The following MICAL2 variants were observed in gnomAD, a reference collection of about 807,000 sequenced individuals.
The protein encoded by MICAL2 is microtubule associated monooxygenase, calponin and LIM domain containing 2.
Under a neutral mutation model 127.3 loss-of-function variants are expected in MICAL2, and 77 were observed. That is an observed-to-expected ratio of 0.60 (90% CI 0.50 to 0.73). MICAL2 has a LOEUF of 0.73. Among genes scored for constraint, MICAL2 ranks in the 30% least tolerant of loss-of-function variants. The pLI, the probability that MICAL2 is intolerant of heterozygous loss-of-function variation, is 0.00. For missense variants in MICAL2, 1,351 were observed against 1,434.4 expected, an observed-to-expected ratio of 0.94 and a Z score of 0.94; for synonymous variants, 570 against 551.1, an observed-to-expected ratio of 1.03 and a Z score of -0.48.
At chr11:12,298,241 A>G (rs1292549582) in intron 29 of MICAL2, among the ~76,000 whole-genome samples, 1 of 152,016 alleles carries the variant, frequency 6.6e-6, no homozygotes, top group Non-Finnish European at 1.5e-5. Context: ...ATTAATAGAT[A>G]TATTAGTTTT....
chr11:12,224,605 A>G, intron 12 of MICAL2, 68 bp from the exon 13 acceptor site: 1 of 1,562,936 alleles, frequency 6.4e-7, no homozygotes, highest in Non-Finnish European at 8.7e-7. Context: ...GGCAATGAGA[A>G]GGGAGCGCCA....
chr11:12,242,339 A>G lies in MICAL2; in HGVS notation c.2463A>G (p.Glu821=), dbSNP rs370726749. ...AKSDLQLGGT[E]NFATLPSTRP... ...CTGACCTACAGCTGGGTGGGACAGA[A>G]AATTTCGCTACCCTGCCTTCTACCC... Residue 821 remains glutamate (E), a synonymous_variant, in exon 19 of 28, where the codon GAA becomes GAG. Coordinates refer to ENST00000683283, the MANE Select transcript of MICAL2 (RefSeq NM_001282663.2). The G allele has an allele frequency of 2.4e-5, 39 of 1,614,092 alleles. No individual in the cohort carries two copies. In the South Asian group the frequency reaches 3.6e-4, roughly 15 times the overall value.
chr11:12,169,223 AT>A (rs1855939904), intron 3 of MICAL2, among the ~76,000 whole-genome samples: 2 of 46,930 alleles, frequency 4.3e-5, no homozygotes, highest in South Asian at 2.7e-3. Flanking sequence ...GGAAAAAAAA[AT>A]CTACACACAT....
intron 32 of MICAL2, among the ~76,000 whole-genome samples, chr11:12,339,057 C>T (rs919813374): frequency 1.3e-5 from 2 of 152,198 alleles, no homozygotes; most frequent in African/African-American, 2.4e-5. Flanking sequence ...TGTTTTCCAA[C>T]TTGATTCCAT....
Position 12,209,450 on chromosome 11 carries a change from C to T in MICAL2, c.590-47C>T, listed in dbSNP as rs373250985. ...ACCACACGGGGGGTATAATCATTCT[C>T]TTCCCACCTCTCTCTGCCAACTCAT... On this transcript the variant is annotated intron_variant, in intron 5 of 27. Transcript: ENST00000683283. The T allele has an allele frequency of 1.4e-5, 21 of 1,469,092 alleles. No individual in the cohort carries two copies. In the African/African-American group the frequency reaches 1.8e-4, roughly 13 times the overall value. The allele number at this position is 1,469,092 out of a possible 1,614,324, so 91.0% of individuals were successfully genotyped here. A position where few individuals can be genotyped will look rare whatever the true frequency, so the allele number is the denominator to read the frequency against.
downstream of MICAL2, among the ~76,000 whole-genome samples, chr11:12,360,956 A>G (rs907412894): frequency 6.6e-6 from 1 of 152,204 alleles, no homozygotes; most frequent in African/African-American, 2.4e-5. Context: ...CCTTATTTAC[A>G]AGAGAGAGCA....
chr11:12,164,271 C>G (rs899940322), intron 3 of MICAL2, among the ~76,000 whole-genome samples: 1 of 152,166 alleles, frequency 6.6e-6, no homozygotes, highest in Non-Finnish European at 1.5e-5. Flanking sequence ...GGGTAAGGTG[C>G]CTCTTGCCCA....
chr11:12,217,545 G>C (rs1856333645), intron 8 of MICAL2, among the ~76,000 whole-genome samples: 1 of 152,176 alleles, frequency 6.6e-6, no homozygotes, highest in Non-Finnish European at 1.5e-5. Flanking sequence ...GCCTCCTGAA[G>C]TTGCCGCCTT....
intron 3 of MICAL2, among the ~76,000 whole-genome samples, chr11:12,188,839 T>C (rs1026128538): frequency 6.6e-6 from 1 of 152,322 alleles, no homozygotes; most frequent in Non-Finnish European, 1.5e-5. Context: ...TGACACATGG[T>C]AGACCTCCAC....
intron 34 of MICAL2, among the ~76,000 whole-genome samples, chr11:12,358,118 A>T (rs575513336): frequency 5.3e-5 from 8 of 152,254 alleles, no homozygotes. Context: ...GTTTCACCGC[A>T]CACACCTTTC....
intron 24 of MICAL2, among the ~76,000 whole-genome samples, chr11:12,269,284 C>T (rs1863645262): frequency 6.6e-6 from 1 of 152,184 alleles, no homozygotes; most frequent in South Asian, 2.1e-4. Context: ...AGAGTTCTTC[C>T]TGCCCTCCTC....
intron 3 of MICAL2, among the ~76,000 whole-genome samples, chr11:12,188,358 G>T (rs1281105905): frequency 1.3e-5 from 2 of 152,072 alleles, no homozygotes; most frequent in Non-Finnish European, 2.9e-5. Flanking sequence ...TATTTCTATT[G>T]CAGTGATTCT....
intron 15 of MICAL2, 42 bp from the exon 16 acceptor site, chr11:12,236,135 T>C: frequency 6.4e-7 from 1 of 1,565,252 alleles, no homozygotes; most frequent in Non-Finnish European, 8.8e-7. Flanking sequence ...CTGAAGCCCT[T>C]GGTGGCCCCC....
At chr11:12,351,790 C>CT (rs765474919) in intron 33 of MICAL2, among the ~76,000 whole-genome samples, 3,720 of 145,018 alleles carry the variant, frequency 0.026, 176 homozygotes, top group African/African-American at 0.087. Context: ...TGTATTATAA[C>CT]TTTTTTTTTT....
intron 2 of MICAL2, among the ~76,000 whole-genome samples, chr11:12,145,156 G>T (rs1485958): frequency 0.48 from 72,462 of 151,622 alleles, 17,886 homozygotes; most frequent in South Asian, 0.68. Context: ...GCACATCGCT[G>T]GGCACATGGT....
At chr11:12,116,356 T>C (rs200558628) in intron 1 of MICAL2, among the ~76,000 whole-genome samples, 2 of 68,944 alleles carry the variant, frequency 2.9e-5, no homozygotes, top group African/African-American at 8.5e-5. Context: ...TTTTGATTTT[T>C]TTTTTTTTTT....
intron 3 of MICAL2, among the ~76,000 whole-genome samples, chr11:12,174,598 T>A (rs1856635077): frequency 6.6e-6 from 1 of 152,164 alleles, no homozygotes; most frequent in African/African-American, 2.4e-5. Flanking sequence ...AACCCTTGTT[T>A]TTTTTTTTCT....
At chr11:12,137,968 A>T (rs75486274) in intron 1 of MICAL2, among the ~76,000 whole-genome samples, 5,022 of 152,308 alleles carry the variant, frequency 0.033, 297 homozygotes, top group African/African-American at 0.11. Flanking sequence ...GTGTTAGAAA[A>T]TGGGACCCGT....
Position 12,216,257 on chromosome 11 carries a change from A to G in MICAL2, c.886A>G (p.Thr296Ala). The change falls in exon 8 of 28, where the codon ACC (threonine) becomes GCC (alanine). Residue 296 changes from threonine to alanine, a missense_variant. Physicochemically the swap from Thr to Ala is moderately conservative, Grantham distance 58 (BLOSUM62 0). Around this residue, in one of 2 missense-constraint regions of MICAL2, gnomAD observed 599 missense variants for 714.9 expected, o/e 0.84. Transcript: ENST00000683283. ...LENIVYYKDCTHYFVMTAKKQ... is the reference protein window; with the variant it reads ...LENIVYYKDCAHYFVMTAKKQ... The stretch of plus-strand genomic sequence containing the variant: ...GAACATTGTTTACTACAAGGACTGC[A>G]CCCACTATTTTGTAATGACAGCCAA... 6.2e-7 allele frequency: 1 copy of G among 1,613,944 alleles called. No individual in the cohort carries two copies. The highest frequency in any genetic ancestry group is 8.5e-7 in the Non-Finnish European group (1 of 1,179,850).
Sources: gnomAD v4.1 joint callset for allele counts (sites outside exome capture counted in the v4.1 genomes callset) on GRCh38, gnomAD v4.1.1 for gene constraint, gnomAD v4.1.1 regional missense constraint, MANE v1.5 for transcripts, NCBI Gene and HGNC (gene_info 2026-07-23, HGNC 2026-07-21) for gene names.